Variants in NRXN3 observed in about 807,000 individuals in gnomAD.
The protein encoded by NRXN3 is neurexin III.
Under a neutral mutation model 137.6 loss-of-function variants are expected in NRXN3, and 32 were observed. That is an observed-to-expected ratio of 0.23 (90% CI 0.18 to 0.31). The LOEUF is 0.31. Ranked by LOEUF, NRXN3 falls within the 10% of genes least tolerant of loss-of-function variation. The pLI is 1.00. For synonymous variants in NRXN3, 798 were observed against 784.5 expected, an observed-to-expected ratio of 1.02 and a Z score of -0.29; for missense variants, 1,574 against 2,062.5, an observed-to-expected ratio of 0.76 and a Z score of 4.59.
At chr14:78,490,666 T>C (rs1388355647) in intron 4 of NRXN3, among the ~76,000 whole-genome samples, 1 of 152,222 alleles carries the variant, frequency 6.6e-6, no homozygotes, top group East Asian at 1.9e-4. Context: ...CTAATAATAA[T>C]AGCAGTAAGC....
At chr14:78,590,751 T>G (rs2097108933) in intron 4 of NRXN3, among the ~76,000 whole-genome samples, 1 of 151,902 alleles carries the variant, frequency 6.6e-6, no homozygotes, top group Admixed American at 6.6e-5. Context: ...TTCTCTCTAC[T>G]AAAAAATACA....
intron 15 of NRXN3, among the ~76,000 whole-genome samples, chr14:79,137,332 C>T (rs1035822320): frequency 5.3e-5 from 8 of 152,160 alleles, no homozygotes; most frequent in African/African-American, 1.4e-4. Context: ...ACTGTTGAAA[C>T]AGCTACTGCC....
At chr14:78,460,769 C>CTAATG (rs1717091172) in intron 4 of NRXN3, among the ~76,000 whole-genome samples, 1 of 152,026 alleles carries the variant, frequency 6.6e-6, no homozygotes, top group Admixed American at 6.6e-5. Context: ...TGGTATGTGA[C>CTAATG]TAATGTATTG....
chr14:78,905,375 A>C (rs2152758107), intron 10 of NRXN3, among the ~76,000 whole-genome samples: 1 of 152,240 alleles, frequency 6.6e-6, no homozygotes, highest in Non-Finnish European at 1.5e-5. Context: ...ATAGGAACAT[A>C]CTTTGTCATC....
intron 16 of NRXN3, among the ~76,000 whole-genome samples, chr14:79,649,906 G>C (rs2098468139): frequency 2.0e-5 from 3 of 152,314 alleles, no homozygotes; most frequent in African/African-American, 7.2e-5. Context: ...CCATTCTGGA[G>C]ACTAGGAAGT....
intron 15 of NRXN3, among the ~76,000 whole-genome samples, chr14:79,328,001 T>C (rs1181153114): frequency 1.3e-5 from 2 of 152,184 alleles, no homozygotes; most frequent in Non-Finnish European, 1.5e-5. Flanking sequence ...TGGGGCTTAA[T>C]ACCTAGATGA....
intron 4 of NRXN3, among the ~76,000 whole-genome samples, chr14:78,587,102 T>C (rs1196213411): frequency 6.6e-6 from 1 of 152,230 alleles, no homozygotes; most frequent in Admixed American, 6.5e-5. Flanking sequence ...AGAAATACTT[T>C]GCATCCATGT....
At chr14:78,393,411 T>C (rs1484870365) in intron 4 of NRXN3, among the ~76,000 whole-genome samples, 1 of 152,020 alleles carries the variant, frequency 6.6e-6, no homozygotes, top group African/African-American at 2.4e-5. Flanking sequence ...CCTGTTACCC[T>C]CTTATAGCCA....
chr14:79,237,633 T>C (rs2073617941), intron 15 of NRXN3, among the ~76,000 whole-genome samples: 1 of 152,132 alleles, frequency 6.6e-6, no homozygotes, highest in African/African-American at 2.4e-5. Flanking sequence ...TCTTTTTTCA[T>C]ATATCTTTAT....
intron 15 of NRXN3, among the ~76,000 whole-genome samples, chr14:79,409,729 A>G (rs1157438258): frequency 6.6e-6 from 1 of 150,664 alleles, no homozygotes. Flanking sequence ...GTGAGCTGAG[A>G]CATATTCATG....
chr14:78,619,116 G>A (rs2097373854), intron 4 of NRXN3, among the ~76,000 whole-genome samples: 1 of 152,138 alleles, frequency 6.6e-6, no homozygotes, highest in Non-Finnish European at 1.5e-5. Context: ...GTCTTTGCCT[G>A]CTGTTAGTAT....
At chr14:78,401,453 C>T (rs1448479319) in intron 4 of NRXN3, among the ~76,000 whole-genome samples, 1 of 152,106 alleles carries the variant, frequency 6.6e-6, no homozygotes, top group Non-Finnish European at 1.5e-5. Flanking sequence ...GCGTGAGCCA[C>T]CACGTCTGGC....
Position 79,697,825 on chromosome 14 carries a change from G to T in NRXN3, c.3902G>T (p.Gly1301Val), listed in dbSNP as rs547163993. Residue 1301 changes from glycine to valine, a missense_variant, in exon 19 of 21, where the codon GGA becomes GTA. By Grantham distance (109) the Gly-to-Val change is moderately radical. Around this residue, in one of 5 missense-constraint regions of NRXN3, gnomAD observed 320 missense variants for 387.1 expected, o/e 0.83. Coordinates refer to ENST00000335750, the MANE Select transcript of NRXN3 (RefSeq NM_001330195.2). ...RLVGEVPSIL[G>V]TTQTTSMPPE... The stretch of plus-strand genomic sequence containing the variant: ...GTTGGAGAAGTCCCATCAATTTTGG[G>T]AACAACACAGACGACCTCCATGCCA... 1.3e-5 allele frequency: 21 copies of T among 1,613,178 alleles called. No individual in the cohort carries two copies. The South Asian group carries it at 2.2e-4, about 17-fold the overall frequency.
intron 15 of NRXN3, among the ~76,000 whole-genome samples, chr14:79,343,245 G>A (rs1253172439): frequency 2.0e-5 from 3 of 152,162 alleles, no homozygotes; most frequent in Non-Finnish European, 2.9e-5. Flanking sequence ...CTACAGAGGC[G>A]ATCTAGTCTC....
intron 15 of NRXN3, among the ~76,000 whole-genome samples, chr14:79,412,505 T>C (rs750967662): frequency 1.6e-4 from 25 of 151,878 alleles, no homozygotes; most frequent in Non-Finnish European, 3.1e-4. Context: ...ATCAGCTGGC[T>C]CAGTGGCTCA....
At chr14:78,894,533 C>G (rs2099167998) in intron 10 of NRXN3, among the ~76,000 whole-genome samples, 1 of 151,820 alleles carries the variant, frequency 6.6e-6, no homozygotes, top group Non-Finnish European at 1.5e-5. Context: ...TGTTTTGAAC[C>G]CTTCAGCCAT....
chr14:79,139,925 A>C (rs2058636321), intron 15 of NRXN3, among the ~76,000 whole-genome samples: 1 of 149,612 alleles, frequency 6.7e-6, no homozygotes, highest in Non-Finnish European at 1.5e-5. Context: ...ATATATATAT[A>C]TCATATACAT....
chr14:79,236,301 A>G (rs745887387), intron 15 of NRXN3, among the ~76,000 whole-genome samples: 3 of 152,134 alleles, frequency 2.0e-5, no homozygotes, highest in Non-Finnish European at 4.4e-5. Context: ...TATGGTGTAT[A>G]TAGGTAGGTA....
chr14:79,738,182 G>A (rs1036892345), intron 19 of NRXN3, among the ~76,000 whole-genome samples: 1 of 152,086 alleles, frequency 6.6e-6, no homozygotes, highest in Non-Finnish European at 1.5e-5. Flanking sequence ...ACCTTATTTA[G>A]AAAAAGGGTC....
Sources: gnomAD v4.1 joint callset for allele counts (sites outside exome capture counted in the v4.1 genomes callset) on GRCh38, gnomAD v4.1.1 for gene constraint, gnomAD v4.1.1 regional missense constraint, MANE v1.5 for transcripts, NCBI Gene and HGNC (gene_info 2026-07-23, HGNC 2026-07-21) for gene names.